The following TBCE variants were observed in gnomAD, a reference collection of about 807,000 sequenced individuals.
TBCE encodes tubulin-specific chaperone E.
TBCE carries 53 observed loss-of-function variants against 77.0 expected under a neutral mutation model. The ratio of observed to expected loss-of-function variants is 0.69; its 90% CI spans 0.55 to 0.87. The LOEUF (loss-of-function observed/expected upper bound fraction) is 0.87. TBCE is among the 40% of genes least tolerant of loss of function. TBCE has a pLI of 0.00. For missense variants in TBCE, 624 were observed against 622.4 expected, an observed-to-expected ratio of 1.00 and a Z score of -0.03; for synonymous variants, 235 against 241.3, an observed-to-expected ratio of 0.97 and a Z score of 0.24.
At chr1:235,390,959 C>A (rs1198399533) in intron 2 of TBCE, among the ~76,000 whole-genome samples, 1 of 151,998 alleles carries the variant, frequency 6.6e-6, no homozygotes, top group Non-Finnish European at 1.5e-5. Context: ...GTTCATCTTA[C>A]ATTTCTTGCT....
chr1:235,367,620 G>C (rs1015299447), intron 1 of TBCE, 116 bp downstream of exon 1: 2 of 152,748 alleles, frequency 1.3e-5, no homozygotes, highest in Non-Finnish European at 2.9e-5. Flanking sequence ...TGCCAGAGCC[G>C]GGCGTTGCCT....
intron 7 of TBCE, chr1:235,433,228 A>G: frequency 1.6e-6 from 2 of 1,255,878 alleles, no homozygotes; most frequent in Non-Finnish European, 2.0e-6. Context: ...CATCTCAACT[A>G]TTTGGTTTTT....
At chr1:235,413,183 T>A (rs1327653548) in intron 3 of TBCE, among the ~76,000 whole-genome samples, 1 of 152,090 alleles carries the variant, frequency 6.6e-6, no homozygotes, top group African/African-American at 2.4e-5. Context: ...TAGTGAGATG[T>A]TGTCTCTTAA....
At chr1:235,399,100 T>C (rs1193705363) in intron 2 of TBCE, among the ~76,000 whole-genome samples, 1 of 151,956 alleles carries the variant, frequency 6.6e-6, no homozygotes, top group Admixed American at 6.6e-5. Flanking sequence ...ATCACAGGCA[T>C]GCACCACCAT....
At chr1:235,390,268 G>A (rs572314043) in intron 2 of TBCE, among the ~76,000 whole-genome samples, 12 of 152,292 alleles carry the variant, frequency 7.9e-5, no homozygotes, top group African/African-American at 2.4e-4. Context: ...ATGGAATAAA[G>A]ATGATATACT....
At chr1:235,404,645 G>A (rs949941195) in intron 3 of TBCE, among the ~76,000 whole-genome samples, 1 of 151,576 alleles carries the variant, frequency 6.6e-6, no homozygotes, top group Non-Finnish European at 1.5e-5. Flanking sequence ...TTAGCTTCCT[G>A]TAACTTTTTT....
chr1:235,407,686 A>G (rs954032358), intron 3 of TBCE, among the ~76,000 whole-genome samples: 4 of 152,178 alleles, frequency 2.6e-5, no homozygotes, highest in Admixed American at 2.0e-4. Flanking sequence ...GGGTATGACA[A>G]GAATGACCCA....
intron 7 of TBCE, chr1:235,433,901 G>A (rs963669927): frequency 7.2e-6 from 3 of 416,552 alleles, no homozygotes; most frequent in Non-Finnish European, 1.3e-5. Flanking sequence ...ATAATAATAT[G>A]TGCAGTTAGT....
intron 2 of TBCE, among the ~76,000 whole-genome samples, chr1:235,397,784 C>T (rs903150149): frequency 1.3e-5 from 2 of 152,164 alleles, no homozygotes; most frequent in Non-Finnish European, 2.9e-5. Flanking sequence ...AGGGTTTGTT[C>T]GCCCTGGATG....
chr1:235,374,274 C>G (rs1677157501), intron 1 of TBCE, among the ~76,000 whole-genome samples: 1 of 145,970 alleles, frequency 6.9e-6, no homozygotes, highest in South Asian at 2.1e-4. Flanking sequence ...TAAATGAATG[C>G]TTTTCAGACC....
At chr1:235,433,163 G>A in intron 7 of TBCE, 1 of 1,373,652 alleles carries the variant, frequency 7.3e-7, no homozygotes, top group African/African-American at 1.5e-5. Context: ...AGGACTGTTT[G>A]CAGGATGGGT....
chr1:235,419,080 G>A (rs1481925654), intron 4 of TBCE: 3 of 294,648 alleles, frequency 1.0e-5, no homozygotes, highest in East Asian at 8.6e-5. Context: ...GGTAGCAAGC[G>A]CCTGTAATCC....
chr1:235,414,684 C>A, intron 4 of TBCE, 66 bp downstream of exon 4: 1 of 1,502,172 alleles, frequency 6.7e-7, no homozygotes, highest in South Asian at 1.2e-5. Context: ...ATTGAAATAC[C>A]CATGACTGTA....
rs1442707845 is a variant in TBCE at position 235,402,801 on chromosome 1, AT to A, written c.185+1215del. Among the ~76,000 whole-genome samples, 1,352 of 151,850 alleles carry A rather than the reference AT, an allele frequency of 8.9e-3. 22 individuals carry two copies. The highest frequency in any genetic ancestry group is 0.032 in the African/African-American group (1,304 of 41,354). On this transcript the variant is annotated intron_variant, in intron 3 of 16. Coordinates refer to ENST00000642610, the MANE Select transcript of TBCE (RefSeq NM_003193.5). The stretch of plus-strand genomic sequence containing the variant: ...CAGCACACCCAGCTAATTTAAAAAA[AT>A]AAAAATAAAAAAGAGATGAAGTTTT...
chr1:235,442,821 C>G (rs756644526), intron 14 of TBCE, 31 bp from the exon 15 acceptor site: 1 of 1,599,184 alleles, frequency 6.3e-7, no homozygotes, highest in Non-Finnish European at 8.6e-7. Context: ...TAGTAGATAT[C>G]AATTAGTCTT....
Position 235,441,893 on chromosome 1 carries a change from C to T in TBCE, c.1339+11C>T. 6.2e-7 allele frequency: 1 copy of T among 1,612,564 alleles called. No individual in the cohort carries two copies. On this transcript the variant is annotated intron_variant, in intron 14 of 16. Coordinates refer to ENST00000642610, the MANE Select transcript of TBCE (RefSeq NM_003193.5). ...AAAACCAGCTACTAAGTAAGAATCTCAGATTCAAATAGTTTATTTGTATTT... is the reference window on the plus strand; with the variant it reads ...AAAACCAGCTACTAAGTAAGAATCTTAGATTCAAATAGTTTATTTGTATTT...
intron 3 of TBCE, among the ~76,000 whole-genome samples, chr1:235,406,291 C>G (rs983847735): frequency 6.6e-6 from 1 of 152,150 alleles, no homozygotes; most frequent in Non-Finnish European, 1.5e-5. Flanking sequence ...TTTAGTTTCT[C>G]TGATCTCTTT....
chr1:235,419,133 G>A (rs1180748921), intron 4 of TBCE: 2 of 355,444 alleles, frequency 5.6e-6, no homozygotes, highest in Non-Finnish European at 5.4e-6. Context: ...CCTGAACCTG[G>A]GAGGGAGAGG....
At chr1:235,403,602 C>T (rs1679250187) in intron 3 of TBCE, among the ~76,000 whole-genome samples, 1 of 152,136 alleles carries the variant, frequency 6.6e-6, no homozygotes, top group African/African-American at 2.4e-5. Flanking sequence ...TTAATGGTCT[C>T]TGGATACAGT....
Sources: allele counts gnomAD v4.1 joint callset (sites outside exome capture counted in the v4.1 genomes callset), GRCh38; gene constraint gnomAD v4.1.1; transcripts MANE v1.5; gene names NCBI Gene and HGNC (gene_info 2026-07-23, HGNC 2026-07-21).